MON2: variants seen among roughly 807,000 people sequenced by gnomAD.
The protein encoded by MON2 is protein MON2 homolog.
Under a neutral mutation model 208.6 loss-of-function variants are expected in MON2, and 84 were observed. The observed-to-expected ratio is 0.40, with a 90% CI of 0.34 to 0.48. The LOEUF is 0.48. Ranked by LOEUF, MON2 falls within the 20% of genes least tolerant of loss-of-function variation. MON2 has a pLI of 0.59. For synonymous variants in MON2, 660 were observed against 694.0 expected, an observed-to-expected ratio of 0.95 and a Z score of 0.77; for missense variants, 1,611 against 2,015.4, an observed-to-expected ratio of 0.80 and a Z score of 3.84.
At chr12:62,486,164 C>T (rs2069779159) in intron 2 of MON2, among the ~76,000 whole-genome samples, 1 of 151,952 alleles carries the variant, frequency 6.6e-6, no homozygotes, top group Non-Finnish European at 1.5e-5. Flanking sequence ...TTTACTGTTG[C>T]TAATATCATT....
intron 1 of MON2, among the ~76,000 whole-genome samples, chr12:62,476,212 T>A (rs1167726341): frequency 6.6e-6 from 1 of 152,146 alleles, no homozygotes. Context: ...AATAATTGAA[T>A]GTTACAGAAG....
intron 8 of MON2, among the ~76,000 whole-genome samples, chr12:62,510,773 G>T (rs1045830195): frequency 3.3e-5 from 5 of 152,076 alleles, no homozygotes; most frequent in African/African-American, 1.2e-4. Flanking sequence ...ATTCAACATG[G>T]TACTGGAACT....
chr12:62,469,030 C>T (rs1187336565), intron 1 of MON2, among the ~76,000 whole-genome samples: 2 of 151,914 alleles, frequency 1.3e-5, no homozygotes, highest in Non-Finnish European at 2.9e-5. Context: ...ACCTCGAACT[C>T]CCTGGCTCAG....
rs1356776351 is a variant in MON2 at position 62,538,081 on chromosome 12, T to G, written c.2119-15T>G. On this transcript the variant is annotated splice_polypyrimidine_tract_variant and intron_variant, in intron 16 of 34. Coordinates refer to ENST00000393630, the MANE Select transcript of MON2 (RefSeq NM_015026.3). The stretch of plus-strand genomic sequence containing the variant: ...TTGTAAAGTTATTTGTTTTGATTTT[T>G]TTTTAATTTTACAGCATCTTGTGTG... 1.2e-6 allele frequency: 2 copies of G among 1,601,062 alleles called. No individual in the cohort carries two copies. The highest frequency in any genetic ancestry group is 1.7e-6 in the Non-Finnish European group (2 of 1,173,900).
intron 2 of MON2, among the ~76,000 whole-genome samples, chr12:62,490,663 C>T (rs1378310423): frequency 6.6e-6 from 1 of 151,880 alleles, no homozygotes; most frequent in Non-Finnish European, 1.5e-5. Context: ...TTTTGTTTTT[C>T]AAAGTATACT....
intron 23 of MON2, among the ~76,000 whole-genome samples, chr12:62,551,515 G>T: frequency 6.6e-6 from 1 of 152,072 alleles, no homozygotes; most frequent in African/African-American, 2.4e-5. Context: ...AACAGACATA[G>T]TAATAATTAA....
At chr12:62,487,669 CATTTAT>C (rs1287065569) in intron 2 of MON2, among the ~76,000 whole-genome samples, 2 of 151,360 alleles carry the variant, frequency 1.3e-5, no homozygotes, top group Non-Finnish European at 2.9e-5. Flanking sequence ...AAATTGAATA[CATTTAT>C]ATTTATATAT....
chr12:62,487,044 C>T (rs2069840145), intron 2 of MON2, among the ~76,000 whole-genome samples: 1 of 152,102 alleles, frequency 6.6e-6, no homozygotes, highest in South Asian at 2.1e-4. Flanking sequence ...TTCTTTTAAG[C>T]ATCCTCCTTT....
At chr12:62,473,467 T>G (rs942811726) in intron 1 of MON2, among the ~76,000 whole-genome samples, 4 of 152,238 alleles carry the variant, frequency 2.6e-5, no homozygotes, top group African/African-American at 9.6e-5. Flanking sequence ...TCATTATTTG[T>G]TACTATTGGT....
chr12:62,587,578 T>TAA (rs559589798), intron 33 of MON2, among the ~76,000 whole-genome samples: 1 of 141,006 alleles, frequency 7.1e-6, no homozygotes. Flanking sequence ...GTTTCTACTT[T>TAA]AAAAAAAAAA....
chr12:62,474,999 C>A (rs1388882267), intron 1 of MON2, among the ~76,000 whole-genome samples: 2 of 152,204 alleles, frequency 1.3e-5, no homozygotes, highest in Non-Finnish European at 2.9e-5. Context: ...TAATAGCATA[C>A]ATGACTTCAA....
intron 12 of MON2, among the ~76,000 whole-genome samples, chr12:62,534,549 A>ATAT (rs2072859461): frequency 1.3e-5 from 1 of 76,122 alleles, no homozygotes; most frequent in African/African-American, 5.2e-5. Context: ...AAAAATATAT[A>ATAT]TATATATATA....
At chr12:62,534,763 G>A in intron 12 of MON2, 82 bp from the exon 13 acceptor site, 1 of 972,402 alleles carries the variant, frequency 1.0e-6, no homozygotes. Flanking sequence ...TATTGTCTGG[G>A]AAAATTTTAG....
chr12:62,575,393 A>C (rs1041882516), intron 30 of MON2, among the ~76,000 whole-genome samples: 1 of 152,214 alleles, frequency 6.6e-6, no homozygotes, highest in Non-Finnish European at 1.5e-5. Flanking sequence ...TGGAGGTCAT[A>C]AACTTTTAGA....
intron 4 of MON2, among the ~76,000 whole-genome samples, chr12:62,496,110 G>T (rs2070468944): frequency 6.6e-6 from 1 of 152,088 alleles, no homozygotes; most frequent in South Asian, 2.1e-4. Context: ...ACATTAAGCT[G>T]TGTATACTAT....
chr12:62,495,618 A>G (rs2070430028), intron 4 of MON2, among the ~76,000 whole-genome samples: 1 of 143,996 alleles, frequency 6.9e-6, no homozygotes, highest in African/African-American at 2.5e-5. Flanking sequence ...TGAACTCAGG[A>G]GGCAGAGCTT....
At chr12:62,505,117 G>C (rs1233958344) in intron 7 of MON2, among the ~76,000 whole-genome samples, 1 of 152,186 alleles carries the variant, frequency 6.6e-6, no homozygotes, top group Admixed American at 6.5e-5. Context: ...TGTTGTAGTG[G>C]AAGATGAAAA....
At chr12:62,572,445 A>G (rs566354899) in intron 30 of MON2, among the ~76,000 whole-genome samples, 1 of 152,274 alleles carries the variant, frequency 6.6e-6, no homozygotes, top group East Asian at 1.9e-4. Context: ...TTTGTGTTAC[A>G]TTGGTGAAAT....
Position 62,524,571 on chromosome 12 carries a change from A to G in MON2, c.1041A>G (p.Lys347=), listed in dbSNP as rs148446628. The change falls in exon 9 of 35, where the codon AAA becomes AAG. Residue 347 remains lysine (K), a synonymous_variant. Transcript: ENST00000393630. ...TGGTGAAATTTCTGGATGCAGATAA[A>G]CCACAGTGGCTACGAGCTGTTGCGG... ...SLLVKFLDAD[K]PQWLRAVAVE... 72 of 1,613,546 alleles carry G rather than the reference A, an allele frequency of 4.5e-5. No homozygotes were observed. The highest frequency in any genetic ancestry group is 5.8e-5 in the Non-Finnish European group (68 of 1,179,658).
Sources: gnomAD v4.1 joint callset for allele counts (sites outside exome capture counted in the v4.1 genomes callset) on GRCh38, gnomAD v4.1.1 for gene constraint, MANE v1.5 for transcripts, NCBI Gene and HGNC (gene_info 2026-07-23, HGNC 2026-07-21) for gene names.